Variants in CAMK1D observed in about 807,000 individuals in gnomAD.
CAMK1D encodes the protein calcium/calmodulin-dependent protein kinase type 1D.
CAMK1D carries 9 observed loss-of-function variants against 47.7 expected under a neutral mutation model. That is an observed-to-expected ratio of 0.19 (90% CI 0.11 to 0.33). CAMK1D has a LOEUF of 0.33. CAMK1D is among the 10% of genes least tolerant of loss of function. CAMK1D has a pLI of 1.00. For missense variants in CAMK1D, 291 were observed against 488.7 expected (o/e 0.60, Z 3.81); for synonymous variants, 184 against 184.9 (o/e 0.99, Z 0.04).
intron 3 of CAMK1D, among the ~76,000 whole-genome samples, chr10:12,685,048 G>A (rs112654063): frequency 0.015 from 2,207 of 150,188 alleles, 45 homozygotes; most frequent in African/African-American, 0.052. Flanking sequence ...GGTGGCTCAC[G>A]CCAACACTTT....
intron 1 of CAMK1D, among the ~76,000 whole-genome samples, chr10:12,523,148 G>T (rs941440564): frequency 6.6e-6 from 1 of 151,516 alleles, no homozygotes; most frequent in Non-Finnish European, 1.5e-5. Context: ...TCCCAGACGG[G>T]GTCGCGGCTG....
intron 1 of CAMK1D, among the ~76,000 whole-genome samples, chr10:12,474,418 C>T (rs1833841522): frequency 6.6e-6 from 1 of 151,980 alleles, no homozygotes; most frequent in Admixed American, 6.6e-5. Flanking sequence ...TGGTCTCGAT[C>T]TCCTGACCTA....
chr10:12,409,595 T>C (rs1839585410), intron 1 of CAMK1D, among the ~76,000 whole-genome samples: 1 of 152,266 alleles, frequency 6.6e-6, no homozygotes, highest in South Asian at 2.1e-4. Flanking sequence ...AAAAATTTTC[T>C]TAAAAATAGC....
chr10:12,388,036 G>C (rs1426642961), intron 1 of CAMK1D, among the ~76,000 whole-genome samples: 1 of 152,018 alleles, frequency 6.6e-6, no homozygotes, highest in African/African-American at 2.4e-5. Flanking sequence ...TAGGCATCTT[G>C]CCAGCCAGGC....
intron 3 of CAMK1D, among the ~76,000 whole-genome samples, chr10:12,715,724 CT>C (rs34313574): frequency 0.077 from 9,843 of 128,614 alleles, 735 homozygotes; most frequent in African/African-American, 0.21. Flanking sequence ...TGGCATTTGC[CT>C]TTTTTTTTTT....
At position 12,795,913 on chromosome 10, in the gene CAMK1D, G is replaced by A. The variant is rs544759909; in HGVS notation, c.641+4680G>A. ...TATGCTGCCAGGAAGGGCTGAGGAC[G>A]GCGTGGGTTGCGCTTTGTGATAAGC... is the stretch of plus-strand genomic sequence containing the variant. On this transcript the variant is annotated intron_variant, in intron 6 of 10. Transcript: ENST00000619168. 3.1e-4 allele frequency among the ~76,000 whole-genome samples: 47 copies of A among 152,292 alleles called. No individual in the cohort carries two copies. The South Asian group carries it at 9.7e-3, about 32-fold the overall frequency.
chr10:12,823,677 G>A (rs1833094986), intron 8 of CAMK1D, among the ~76,000 whole-genome samples: 1 of 152,106 alleles, frequency 6.6e-6, no homozygotes, highest in Admixed American at 6.6e-5. Context: ...CTCATGGCAG[G>A]CTCAGGAATC....
chr10:12,688,973 A>G (rs950155458), intron 3 of CAMK1D, among the ~76,000 whole-genome samples: 7 of 152,202 alleles, frequency 4.6e-5, no homozygotes, highest in African/African-American at 1.7e-4. Flanking sequence ...GTGAGCCACC[A>G]CGCCCAGCCC....
chr10:12,824,530 AC>A lies in CAMK1D; in HGVS notation c.900del (p.Phe301LeufsTer19). ...TCCGTCAGCGCCCAGATCCGGAAAA[AC>A]TTTGCCAAGAGCAAATGGAGAGTAA... ...HESVSAQIRK[N>X]FAKSKWRQAF... On this transcript the variant is annotated frameshift_variant, in exon 9 of 11. Coordinates refer to ENST00000619168, the MANE Select transcript of CAMK1D (RefSeq NM_153498.4). LOFTEE classifies it high-confidence loss of function. 1.2e-6 allele frequency: 2 copies of A among 1,614,082 alleles called. No individual in the cohort carries two copies. Among genetic ancestry groups the A allele is most frequent in the Non-Finnish European group, 1.7e-6 (2 of 1,179,982 alleles).
chr10:12,563,516 A>AT (rs1837011531), intron 2 of CAMK1D, among the ~76,000 whole-genome samples: 1 of 152,218 alleles, frequency 6.6e-6, no homozygotes, highest in African/African-American at 2.4e-5. Context: ...CCTCACAGAC[A>AT]CACCAGAAAT....
At position 12,387,396 on chromosome 10, in the gene CAMK1D, ATTT is replaced by A. The variant is rs1239842000; in HGVS notation, c.92+37489_92+37491del. Among the ~76,000 whole-genome samples, 16 of 43,166 alleles carry A rather than the reference ATTT, an allele frequency of 3.7e-4. 1 individual carries two copies. In the East Asian group the frequency reaches 7.0e-3, roughly 19 times the overall value. The allele number at this position is 43,166 out of a possible 152,430, so 28.3% of individuals were successfully genotyped here. A position where few individuals can be genotyped will look rare whatever the true frequency, so the allele number is the denominator to read the frequency against. On this transcript the variant is annotated intron_variant, in intron 1 of 10. Coordinates refer to ENST00000619168, the MANE Select transcript of CAMK1D (RefSeq NM_153498.4). Reference sequence around the variant, plus strand: ...ATATTATATATTATATATATTATATATTTTTATATATTATATATATTTTATATA... The same window carrying A: ...ATATTATATATTATATATATTATATATTATATATTATATATATTTTATATA...
intron 1 of CAMK1D, among the ~76,000 whole-genome samples, chr10:12,401,344 T>C (rs571095445): frequency 2.6e-5 from 3 of 116,468 alleles, no homozygotes; most frequent in East Asian, 4.6e-4. Flanking sequence ...ATATAATATA[T>C]ATAAAGCTCA....
At chr10:12,543,296 G>T (rs1037145923) in intron 1 of CAMK1D, among the ~76,000 whole-genome samples, 1 of 152,112 alleles carries the variant, frequency 6.6e-6, no homozygotes, top group Non-Finnish European at 1.5e-5. Flanking sequence ...TGATCTAACC[G>T]CCTTGGCCTC....
chr10:12,431,749 C>T (rs1404632018), intron 1 of CAMK1D, among the ~76,000 whole-genome samples: 1 of 152,238 alleles, frequency 6.6e-6, no homozygotes, highest in African/African-American at 2.4e-5. Context: ...TTCTACTTCC[C>T]TGAAGGGATT....
At chr10:12,706,177 A>G (rs1013890507) in intron 3 of CAMK1D, among the ~76,000 whole-genome samples, 1 of 152,210 alleles carries the variant, frequency 6.6e-6, no homozygotes, top group African/African-American at 2.4e-5. Flanking sequence ...GATGGGCTGG[A>G]CAGAGGGATG....
At chr10:12,816,353 G>T (rs1832791688) in intron 8 of CAMK1D, 25 bp downstream of exon 8, 6 of 1,603,990 alleles carry the variant, frequency 3.7e-6, no homozygotes, top group Non-Finnish European at 5.1e-6. Context: ...CCGCTCAGCA[G>T]ACCGTGCCAT....
intron 2 of CAMK1D, among the ~76,000 whole-genome samples, chr10:12,662,505 A>T (rs1325817722): frequency 1.3e-5 from 2 of 152,156 alleles, no homozygotes; most frequent in Non-Finnish European, 2.9e-5. Context: ...ACAAAAAATC[A>T]GCCGGGCATG....
intron 1 of CAMK1D, among the ~76,000 whole-genome samples, chr10:12,443,297 A>G (rs1182034571): frequency 6.6e-6 from 1 of 152,216 alleles, no homozygotes; most frequent in Non-Finnish European, 1.5e-5. Context: ...ACCATGGTCA[A>G]ACAGAGAGGG....
chr10:12,420,440 A>G (rs1351279979), intron 1 of CAMK1D, among the ~76,000 whole-genome samples: 2 of 152,236 alleles, frequency 1.3e-5, no homozygotes, highest in African/African-American at 4.8e-5. Flanking sequence ...TCATAACTCC[A>G]ACAAGGCATT....
Sources: gnomAD v4.1 joint callset for allele counts (sites outside exome capture counted in the v4.1 genomes callset) on GRCh38, gnomAD v4.1.1 for gene constraint, MANE v1.5 for transcripts, NCBI Gene and HGNC (gene_info 2026-07-23, HGNC 2026-07-21) for gene names.